Variants in CARS1 observed in about 807,000 individuals in gnomAD.
CARS1 encodes cysteinyl-tRNA synthetase 1.
Under a neutral mutation model 106.2 loss-of-function variants are expected in CARS1, and 48 were observed. That is an observed-to-expected ratio of 0.45 (90% CI 0.36 to 0.57). CARS1 has a LOEUF of 0.57. Among genes scored for constraint, CARS1 ranks in the 20% least tolerant of loss-of-function variants. The pLI is 0.00. For synonymous variants in CARS1, 409 were observed against 403.4 expected (o/e 1.01, Z -0.17); for missense variants, 968 against 1,057.2 (o/e 0.92, Z 1.17).
At position 3,048,166 on chromosome 11, in the gene CARS1, C is replaced by T. The variant is rs1046378213; in HGVS notation, c.26-165G>A. On this transcript the variant is annotated intron_variant, in intron 1 of 22. Coordinates refer to ENST00000380525, the MANE Select transcript of CARS1 (RefSeq NM_001014437.3). The surrounding 1 kb of genome is among the most constrained non-coding windows in gnomAD (Gnocchi z 5.1). ...AGGCAAAGGCACAGGGGCAGCGCTT[C>T]GACTGGGGGCGAGGGAGTGACTGCC... is the stretch of plus-strand genomic sequence containing the variant. Among the ~76,000 whole-genome samples, 6 of 152,168 alleles carry T rather than the reference C, an allele frequency of 3.9e-5. No individual in the cohort carries two copies. The highest frequency in any genetic ancestry group is 5.9e-5 in the Non-Finnish European group (4 of 68,018).
At chr11:3,002,486 G>C in intron 21 of CARS1, 55 bp downstream of exon 21, 3 of 1,607,564 alleles carry the variant, frequency 1.9e-6, no homozygotes, top group Non-Finnish European at 2.5e-6. Flanking sequence ...CAGGGCATGG[G>C]GTCAGGGTGC....
At position 3,011,476 on chromosome 11, in the gene CARS1, C is replaced by T. The variant is rs552110520; in HGVS notation, c.2068+719G>A. Among the ~76,000 whole-genome samples, 150 of 151,694 alleles carry T rather than the reference C, an allele frequency of 9.9e-4. 1 individual carries two copies. Among genetic ancestry groups the T allele is most frequent in the Non-Finnish European group, 1.7e-3 (113 of 67,908 alleles). ...AAAAATACAAAAAATTAGCCGGGCG[C>T]GGTGGCAGGCGCCTGTAGTCCCAGC... On this transcript the variant is annotated intron_variant, in intron 18 of 22. Transcript: ENST00000380525.
At position 3,038,142 on chromosome 11, in the gene CARS1, G is replaced by GTTC. The variant is rs1853926856; in HGVS notation, c.706_708dup (p.Glu236dup). ...GCAAGCTGCACTGCGTGCTGAATCC[G>GTTC]TTCGAGCATCTGCTTTTTATCGGGA... On this transcript the variant is annotated inframe_insertion, in exon 7 of 23. Transcript: ENST00000380525. This position sits in a 1 kb window ranked among gnomAD's most constrained non-coding sequence, Gnocchi z 4.0. 3.1e-6 allele frequency: 5 copies of GTTC among 1,613,954 alleles called. No individual in the cohort carries two copies. Among genetic ancestry groups the GTTC allele is most frequent in the Non-Finnish European group, 4.2e-6 (5 of 1,179,922 alleles).
rs1453147639 is a variant in CARS1, at chr11:3,048,941, T to C, written c.26-940A>G. Among the ~76,000 whole-genome samples, 1 of 152,188 alleles carries C rather than the reference T, an allele frequency of 6.6e-6. No individual in the cohort carries two copies. The highest frequency in any genetic ancestry group is 1.5e-5 in the Non-Finnish European group (1 of 68,026). ...AGGACCCAAGAGCCACTGTTCCGCA[T>C]GTCACCATTGGGAGGAGGAGCAGAA... On this transcript the variant is annotated intron_variant, in intron 1 of 22. Coordinates refer to ENST00000380525, the MANE Select transcript of CARS1 (RefSeq NM_001014437.3). This position sits in a 1 kb window ranked among gnomAD's most constrained non-coding sequence, Gnocchi z 5.1.
At chr11:3,007,795 T>C (rs1473258392) in intron 18 of CARS1, 1 of 152,270 alleles carries the variant, frequency 6.6e-6, no homozygotes, top group Non-Finnish European at 1.5e-5. Flanking sequence ...GTTCTCCTAG[T>C]GGGCTCCTCA....
Position 3,015,851 on chromosome 11 carries a change from TA to T in CARS1, c.1918-3del. 6.2e-7 allele frequency: 1 copy of T among 1,613,682 alleles called. No homozygotes were observed. The highest frequency in any genetic ancestry group is 2.2e-5 in the East Asian group (1 of 44,862). Reference sequence around the variant, plus strand: ...GTCCTCTTCTACGGCCCCAAAGATCTAGGAAAAGAAACAGATGGGACCTGAA... The same window carrying T: ...GTCCTCTTCTACGGCCCCAAAGATCTGGAAAAGAAACAGATGGGACCTGAA... On this transcript the variant is annotated splice_region_variant and splice_polypyrimidine_tract_variant and intron_variant, in intron 16 of 22. Transcript: ENST00000380525.
At position 3,018,485 on chromosome 11, in the gene CARS1, T is replaced by A. The variant is rs1851259634; in HGVS notation, c.1552A>T (p.Met518Leu). Residue 518 changes from methionine (M) to leucine (L), a missense_variant, in exon 14 of 23, where the codon ATG becomes TTG. Met to Leu is a conservative substitution (Grantham distance 15). Coordinates refer to ENST00000380525, the MANE Select transcript of CARS1 (RefSeq NM_001014437.3). ...SARQLRLAFL[M>L]HSWKDTLDYS... ...TCCAGGGTGTCCTTCCACGAGTGCATGAGGAAGGCCAGCCGCAACTGCCGT... is the reference window on the plus strand; with the variant it reads ...TCCAGGGTGTCCTTCCACGAGTGCAAGAGGAAGGCCAGCCGCAACTGCCGT... The A allele has an allele frequency of 6.2e-6, 10 of 1,613,744 alleles. No individual in the cohort carries two copies. Among genetic ancestry groups the A allele is most frequent in the Non-Finnish European group, 7.6e-6 (9 of 1,179,750 alleles).
At chr11:3,005,668 T>C (rs1338518864) in intron 19 of CARS1, among the ~76,000 whole-genome samples, 5 of 149,688 alleles carry the variant, frequency 3.3e-5, no homozygotes, top group African/African-American at 1.2e-4. Context: ...AGTCTTGCTC[T>C]GTCATCCAGG....
At chr11:3,015,922 G>T in intron 16 of CARS1, 73 bp from the exon 17 acceptor site, 3 of 1,279,358 alleles carry the variant, frequency 2.3e-6, no homozygotes, top group African/African-American at 1.5e-5. Flanking sequence ...GCTGTGAGCT[G>T]TGTTCCTCGT....
rs369012194 is a variant in CARS1 at position 3,047,865 on chromosome 11, G to A, written c.162C>T (p.Leu54=). 8 of 1,613,980 alleles carry A rather than the reference G, an allele frequency of 5.0e-6. No homozygotes were observed. The highest frequency in any genetic ancestry group is 1.1e-5 in the South Asian group (1 of 91,086). Residue 54 remains leucine, a synonymous_variant, in exon 2 of 23, where the codon CTC becomes CTT. Coordinates refer to ENST00000380525, the MANE Select transcript of CARS1 (RefSeq NM_001014437.3). The part of the protein sequence containing the change: ...SQADVDAFRQ[L]SAPPADPQLF... Reference sequence around the variant, plus strand: ...GCTGGGGGTCAGCGGGCGGGGCCGAGAGCTGCCTGAACGCGTCCACGTCTG... The same window carrying A: ...GCTGGGGGTCAGCGGGCGGGGCCGAAAGCTGCCTGAACGCGTCCACGTCTG...
At position 3,017,395 on chromosome 11, in the gene CARS1, C is replaced by A. The variant is rs1851139555; in HGVS notation, c.1728-100G>T. On this transcript the variant is annotated intron_variant, in intron 15 of 22. Coordinates refer to ENST00000380525, the MANE Select transcript of CARS1 (RefSeq NM_001014437.3). This position sits in a 1 kb window ranked among gnomAD's most constrained non-coding sequence, Gnocchi z 4.9. ...CAGTGGCTCACGCCTATAATCCCAGCACTTTGGGAGGCTGAGGTGGGCGGA... is the reference window on the plus strand; with the variant it reads ...CAGTGGCTCACGCCTATAATCCCAGAACTTTGGGAGGCTGAGGTGGGCGGA... The A allele has an allele frequency of 9.3e-7, 1 of 1,078,460 alleles. No individual in the cohort carries two copies. The highest frequency in any genetic ancestry group is 2.4e-5 in the East Asian group (1 of 41,688). The allele number at this position is 1,078,460 out of a possible 1,614,324, so 66.8% of individuals were successfully genotyped here. A position where few individuals can be genotyped will look rare whatever the true frequency, so the allele number is the denominator to read the frequency against.
chr11:3,028,743 T>C lies in CARS1; in HGVS notation c.1031+253A>G, dbSNP rs1198643252. ...TGCAGCTCTGGGGCCCCATGACTGA[T>C]GGTCTTGGCTGCCGAGCTTCCCAGC... On this transcript the variant is annotated intron_variant, in intron 9 of 22. Coordinates refer to ENST00000380525, the MANE Select transcript of CARS1 (RefSeq NM_001014437.3). This position sits in a 1 kb window ranked among gnomAD's most constrained non-coding sequence, Gnocchi z 4.4. The C allele has an allele frequency of 5.8e-6, 3 of 521,704 alleles. No homozygotes were observed. The highest frequency in any genetic ancestry group is 1.0e-5 in the Non-Finnish European group (3 of 295,430). The allele number at this position is 521,704 out of a possible 1,614,324, so 32.3% of individuals were successfully genotyped here. A position where few individuals can be genotyped will look rare whatever the true frequency, so the allele number is the denominator to read the frequency against.
Position 3,028,417 on chromosome 11 carries a change from A to G in CARS1, c.1031+579T>C. The G allele has an allele frequency of 1.7e-5, 5 of 297,752 alleles. No homozygotes were observed. In the South Asian group the frequency reaches 2.4e-4, roughly 14 times the overall value. The allele number at this position is 297,752 out of a possible 1,614,324, so 18.4% of individuals were successfully genotyped here. ...ATCTCTCATCTCCACACATGGGGAGAAAAACCCACCGACCCTGTGGGGCTG... is the reference window on the plus strand; with the variant it reads ...ATCTCTCATCTCCACACATGGGGAGGAAAACCCACCGACCCTGTGGGGCTG... On this transcript the variant is annotated intron_variant, in intron 9 of 22. Coordinates refer to ENST00000380525, the MANE Select transcript of CARS1 (RefSeq NM_001014437.3). The surrounding 1 kb of genome is among the most constrained non-coding windows in gnomAD (Gnocchi z 4.4).
chr11:3,052,626 C>A lies in CARS1; in HGVS notation c.26-4625G>T, dbSNP rs1855812244. On this transcript the variant is annotated intron_variant, in intron 1 of 22. Transcript: ENST00000380525. The surrounding 1 kb of genome is among the most constrained non-coding windows in gnomAD (Gnocchi z 4.6). ...AACCAAGACCATGCTTGGGAAGGAT[C>A]TTCTCAGAGCAGAAAGGTGCTGGTG... is the stretch of plus-strand genomic sequence containing the variant. 6.6e-6 allele frequency among the ~76,000 whole-genome samples: 1 copy of A among 152,206 alleles called. No individual in the cohort carries two copies. The highest frequency in any genetic ancestry group is 2.1e-4 in the South Asian group (1 of 4,824).
chr11:3,028,230 A>G lies in CARS1; in HGVS notation c.1031+766T>C. 1 of 387,638 alleles carries G rather than the reference A, an allele frequency of 2.6e-6. No individual in the cohort carries two copies. The highest frequency in any genetic ancestry group is 4.8e-6 in the Non-Finnish European group (1 of 207,076). 24.0% of individuals were successfully genotyped at this position (387,638 alleles called of 1,614,324 possible). A position where few individuals can be genotyped will look rare whatever the true frequency, so the allele number is the denominator to read the frequency against. On this transcript the variant is annotated intron_variant, in intron 9 of 22. Transcript: ENST00000380525. The surrounding 1 kb of genome is among the most constrained non-coding windows in gnomAD (Gnocchi z 4.4). ...CACGTGGCCTTACCTATCATTGAAG[A>G]TGGCTCACTCTCCTTAACCTACCCC...
chr11:3,001,383 C>T, intron 22 of CARS1, 135 bp from the exon 23 acceptor site: 1 of 1,000,268 alleles, frequency 1.0e-6, no homozygotes, highest in African/African-American at 1.6e-5. Context: ...CATTCAGTCA[C>T]CACACTGCTC....
chr11:3,029,017 T>A lies in CARS1; in HGVS notation c.1010A>T (p.Lys337Met). 1.9e-6 allele frequency: 3 copies of A among 1,613,934 alleles called. No homozygotes were observed. Among genetic ancestry groups the A allele is most frequent in the Non-Finnish European group, 2.5e-6 (3 of 1,179,800 alleles). ...TTACCCGTAACCGTTGTCCACAATCTTCTGGACAAAGTTCACAATTTCTGG... is the reference window on the plus strand; with the variant it reads ...TTACCCGTAACCGTTGTCCACAATCATCTGGACAAAGTTCACAATTTCTGG... ...YVPEIVNFVQ[K>M]IVDNGYGYVS... Residue 337 changes from lysine to methionine, a missense_variant, in exon 9 of 23, where the codon AAG becomes ATG. Physicochemically the swap from Lys to Met is moderately conservative, Grantham distance 95 (BLOSUM62 -1). Transcript: ENST00000380525. This position sits in a 1 kb window ranked among gnomAD's most constrained non-coding sequence, Gnocchi z 5.9.
chr11:3,003,453 G>T lies in CARS1; in HGVS notation c.2218-853C>A, dbSNP rs1397598079. Among the ~76,000 whole-genome samples, 2 of 152,208 alleles carry T rather than the reference G, an allele frequency of 1.3e-5. No individual in the cohort carries two copies. Among genetic ancestry groups the T allele is most frequent in the Admixed American group, 1.3e-4 (2 of 15,282 alleles). On this transcript the variant is annotated intron_variant, in intron 20 of 22. Transcript: ENST00000380525. This position sits in a 1 kb window ranked among gnomAD's most constrained non-coding sequence, Gnocchi z 4.8. ...ATATCAGAGGCTTCCTGGCCCAGTG[G>T]AGCTATCAGGTAGGCAGCTGGGCAA... is the stretch of plus-strand genomic sequence containing the variant.
At position 3,050,695 on chromosome 11, in the gene CARS1, C is replaced by A. The variant is rs1419542143; in HGVS notation, c.26-2694G>T. On this transcript the variant is annotated intron_variant, in intron 1 of 22. Transcript: ENST00000380525. This position sits in a 1 kb window ranked among gnomAD's most constrained non-coding sequence, Gnocchi z 6.3. ...ACTCACAATACCCTAGTCACATGGC[C>A]CCTCCACCTGCTGCTCTTTTTTTAG... 1.3e-5 allele frequency among the ~76,000 whole-genome samples: 2 copies of A among 152,192 alleles called. No homozygotes were observed. Among genetic ancestry groups the A allele is most frequent in the African/African-American group, 4.8e-5 (2 of 41,454 alleles).
Sources: gnomAD v4.1 joint callset for allele counts (sites outside exome capture counted in the v4.1 genomes callset) on GRCh38, gnomAD v4.1.1 for gene constraint, Gnocchi (gnomAD v3.1) non-coding constraint, MANE v1.5 for transcripts, NCBI Gene and HGNC (gene_info 2026-07-23, HGNC 2026-07-21) for gene names.